The following ITGA8 variants were observed in gnomAD, a reference collection of about 807,000 sequenced individuals.
ITGA8 encodes the protein integrin alpha-8.
Under a neutral mutation model 142.3 loss-of-function variants are expected in ITGA8, and 91 were observed. That is an observed-to-expected ratio of 0.64 (90% CI 0.54 to 0.76). The LOEUF (loss-of-function observed/expected upper bound fraction) is 0.76, where lower values mean the gene tolerates loss of function less well. ITGA8 is among the 30% of genes least tolerant of loss of function. The pLI, the probability that ITGA8 is intolerant of heterozygous loss-of-function variation, is 0.00. For synonymous variants in ITGA8, 505 were observed against 485.2 expected, an observed-to-expected ratio of 1.04 and a Z score of -0.54; for missense variants, 1,406 against 1,327.7, an observed-to-expected ratio of 1.06 and a Z score of -0.92.
At chr10:15,559,149 A>C (rs1478844573) in intron 25 of ITGA8, among the ~76,000 whole-genome samples, 1 of 152,338 alleles carries the variant, frequency 6.6e-6, no homozygotes, top group South Asian at 2.1e-4. Context: ...GGAAAAACCT[A>C]CTAGACAAAC....
intron 28 of ITGA8, among the ~76,000 whole-genome samples, chr10:15,530,006 T>C (rs1372088855): frequency 6.6e-6 from 1 of 152,192 alleles, no homozygotes; most frequent in Admixed American, 6.5e-5. Context: ...GGATGGGAAA[T>C]ATCCACTGGC....
intron 28 of ITGA8, among the ~76,000 whole-genome samples, chr10:15,522,770 G>A (rs1290002746): frequency 6.6e-6 from 1 of 152,208 alleles, no homozygotes; most frequent in African/African-American, 2.4e-5. Context: ...CCAGCACTTT[G>A]GGAGGCCAAG....
chr10:15,719,838 G>A lies in ITGA8; in HGVS notation c.-67C>T, dbSNP rs1835531504. 2 of 1,189,056 alleles carry A rather than the reference G, an allele frequency of 1.7e-6. No homozygotes were observed. The highest frequency in any genetic ancestry group is 2.7e-5 in the South Asian group (1 of 36,804). 73.7% of individuals were successfully genotyped at this position (1,189,056 alleles called of 1,614,324 possible). A position where few individuals can be genotyped will look rare whatever the true frequency, so the allele number is the denominator to read the frequency against. ...GCCGAGGACCCCTGCGGGGCAAGGG[G>A]GGCTGGTGGAATCTGGCGGTCCCCA... On this transcript the variant is annotated 5_prime_UTR_variant, in exon 1 of 30. Transcript: ENST00000378076.
intron 2 of ITGA8, among the ~76,000 whole-genome samples, chr10:15,688,348 G>A (rs1834871832): frequency 6.7e-6 from 1 of 149,824 alleles, no homozygotes; most frequent in Non-Finnish European, 1.5e-5. Flanking sequence ...GCTTATGCCT[G>A]TAGTCCCAGC....
intron 28 of ITGA8, 25 bp from the exon 29 acceptor site, chr10:15,519,437 A>T (rs776912311): frequency 6.2e-7 from 1 of 1,612,136 alleles, no homozygotes; most frequent in Admixed American, 1.7e-5. Context: ...AAAGCAAATG[A>T]GCTCTAATGC....
At chr10:15,588,726 G>C (rs1442987334) in intron 22 of ITGA8, among the ~76,000 whole-genome samples, 2 of 152,066 alleles carry the variant, frequency 1.3e-5, no homozygotes, top group Non-Finnish European at 2.9e-5. Context: ...CTTCCCAAGT[G>C]GTTTCAATAA....
Position 15,675,841 on chromosome 10 carries a change from A to G in ITGA8, c.676+1751T>C, listed in dbSNP as rs144328997. Among the ~76,000 whole-genome samples the G allele has an allele frequency of 4.0e-3, 612 of 152,328 alleles. 10 individuals are homozygous for G. Among genetic ancestry groups the G allele is most frequent in the Middle Eastern group, 0.034 (10 of 294 alleles). On this transcript the variant is annotated intron_variant, in intron 6 of 29. Coordinates refer to ENST00000378076, the MANE Select transcript of ITGA8 (RefSeq NM_003638.3). ...GCTTAGCATGGACTGCAAGCCTTCA[A>G]TGTGAAACCTGAATAAAATTTTAAA...
intron 2 of ITGA8, among the ~76,000 whole-genome samples, chr10:15,715,953 C>T (rs1360525155): frequency 6.6e-6 from 1 of 152,200 alleles, no homozygotes; most frequent in Non-Finnish European, 1.5e-5. Flanking sequence ...GGATTCCTTC[C>T]CCACACCCAT....
At chr10:15,629,909 C>G (rs772564709) in intron 13 of ITGA8, among the ~76,000 whole-genome samples, 34 of 151,978 alleles carry the variant, frequency 2.2e-4, no homozygotes, top group Non-Finnish European at 3.8e-4. Flanking sequence ...GTCTTGGTGA[C>G]AGAGCAAGAC....
At chr10:15,681,829 G>A (rs1390939013) in intron 4 of ITGA8, among the ~76,000 whole-genome samples, 1 of 152,186 alleles carries the variant, frequency 6.6e-6, no homozygotes, top group East Asian at 1.9e-4. Flanking sequence ...GGCAAATCAT[G>A]GAGTATAGGA....
chr10:15,525,206 A>G (rs1023011347), intron 28 of ITGA8, among the ~76,000 whole-genome samples: 1 of 152,114 alleles, frequency 6.6e-6, no homozygotes, highest in African/African-American at 2.4e-5. Flanking sequence ...ATTTCAAATA[A>G]TATTTATTAA....
At position 15,604,365 on chromosome 10, in the gene ITGA8, C is replaced by T. The variant is rs993758459; in HGVS notation, c.1971-10G>A. The T allele has an allele frequency of 4.1e-5, 65 of 1,600,028 alleles. 1 individual carries two copies. The highest frequency in any genetic ancestry group is 5.4e-5 in the Non-Finnish European group (63 of 1,174,554). The stretch of plus-strand genomic sequence containing the variant: ...TACCTGATGCTTATCTCTAAAAATG[C>T]AGTTTAAAAAGAAGGATTAGGTACT... On this transcript the variant is annotated splice_polypyrimidine_tract_variant and intron_variant, in intron 19 of 29. Coordinates refer to ENST00000378076, the MANE Select transcript of ITGA8 (RefSeq NM_003638.3).
intron 21 of ITGA8, among the ~76,000 whole-genome samples, chr10:15,595,442 A>G (rs1245922398): frequency 6.6e-6 from 1 of 152,218 alleles, no homozygotes. Flanking sequence ...TAAGAAAGCT[A>G]TTAGGTTTCT....
At chr10:15,689,905 G>C (rs1484037836) in intron 2 of ITGA8, among the ~76,000 whole-genome samples, 2 of 152,170 alleles carry the variant, frequency 1.3e-5, no homozygotes, top group Non-Finnish European at 2.9e-5. Context: ...AACCCACAGA[G>C]GAGCTGCACC....
Position 15,680,216 on chromosome 10 carries a change from C to CTT in ITGA8, c.569-1435_569-1434dup, listed in dbSNP as rs71374638. Among the ~76,000 whole-genome samples the CTT allele has an allele frequency of 3.3e-3, 181 of 54,272 alleles. 21 individuals carry two copies. Among genetic ancestry groups the CTT allele is most frequent in the African/African-American group, 0.013 (161 of 12,062 alleles). The allele number at this position is 54,272 out of a possible 152,430, so 35.6% of individuals were successfully genotyped here. A position where few individuals can be genotyped will look rare whatever the true frequency, so the allele number is the denominator to read the frequency against. On this transcript the variant is annotated intron_variant, in intron 4 of 29. Transcript: ENST00000378076. ...CACCATCAATTTTTTCCAGATGCTC[C>CTT]TTTTTTTTTTTTTTTTTTTTTTTTT...
In ITGA8 at chr10:15,644,478, A is replaced by G. The variant is rs1269279244; in HGVS notation, c.1208-257T>C. Among the ~76,000 whole-genome samples, 11 of 12,996 alleles carry G rather than the reference A, an allele frequency of 8.5e-4. 2 individuals carry two copies. In the South Asian group the frequency reaches 0.083, roughly 98 times the overall value. The allele number at this position is 12,996 out of a possible 152,430, so 8.5% of individuals were successfully genotyped here. A position where few individuals can be genotyped will look rare whatever the true frequency, so the allele number is the denominator to read the frequency against. On this transcript the variant is annotated intron_variant, in intron 12 of 29. Coordinates refer to ENST00000378076, the MANE Select transcript of ITGA8 (RefSeq NM_003638.3). ...TATATATATATATATATATATATATATATATATATATATAGAATTTTTTTT... is the reference window on the plus strand; with the variant it reads ...TATATATATATATATATATATATATGTATATATATATATAGAATTTTTTTT...
intron 26 of ITGA8, among the ~76,000 whole-genome samples, chr10:15,556,424 C>T (rs1444348999): frequency 2.6e-5 from 4 of 152,116 alleles, no homozygotes; most frequent in Admixed American, 6.5e-5. Flanking sequence ...GCATCTTGGA[C>T]TGAGCTTCTG....
intron 2 of ITGA8, among the ~76,000 whole-genome samples, chr10:15,690,091 A>G (rs1437831465): frequency 2.0e-5 from 3 of 151,518 alleles, no homozygotes; most frequent in Non-Finnish European, 2.9e-5. Flanking sequence ...GTACTACCCA[A>G]CTATTGGGCC....
intron 27 of ITGA8, 22 bp downstream of exon 27, chr10:15,548,433 T>G: frequency 1.3e-6 from 2 of 1,529,826 alleles, no homozygotes; most frequent in Non-Finnish European, 1.8e-6. Flanking sequence ...AGTGTGTATG[T>G]GCTTCTGTGG....
Sources: allele counts gnomAD v4.1 joint callset (sites outside exome capture counted in the v4.1 genomes callset), GRCh38; gene constraint gnomAD v4.1.1; transcripts MANE v1.5; gene names NCBI Gene and HGNC (gene_info 2026-07-23, HGNC 2026-07-21).